The following LY6S variants were observed in gnomAD, a reference collection of about 807,000 sequenced individuals.
LY6S encodes the protein lymphocyte antigen 6S.
chr8:143,052,548 CT>C, the LY6S span, among the ~76,000 whole-genome samples: 9 of 152,156 alleles, frequency 5.9e-5, no homozygotes, highest in African/African-American at 1.9e-4. Flanking sequence ...CTTTAAATAC[CT>C]TTTGGTTTTG....
the LY6S span, among the ~76,000 whole-genome samples, chr8:143,046,305 C>T: frequency 2.9e-3 from 436 of 151,984 alleles, 5 homozygotes; most frequent in Middle Eastern, 6.8e-3. Flanking sequence ...AGGCCAGGCA[C>T]GGTGGCTCAC....
the LY6S span, among the ~76,000 whole-genome samples, chr8:143,063,484 G>T: frequency 6.6e-6 from 1 of 152,318 alleles, no homozygotes; most frequent in Admixed American, 6.5e-5. Flanking sequence ...CCTGTGCAGA[G>T]GTTCCTATTG....
At chr8:143,071,991 C>A in the LY6S span, among the ~76,000 whole-genome samples, 1 of 152,218 alleles carries the variant, frequency 6.6e-6, no homozygotes, top group African/African-American at 2.4e-5. Context: ...TTCACATTTA[C>A]CCTCTGAAAA....
the LY6S span, chr8:143,049,405 T>A: frequency 4.9e-6 from 2 of 408,746 alleles, no homozygotes; most frequent in Non-Finnish European, 1.0e-5. Flanking sequence ...TTCATCGCCA[T>A]CCCGCAGCTC....
At chr8:143,050,338 G>A in the LY6S span, among the ~76,000 whole-genome samples, 6 of 152,036 alleles carry the variant, frequency 3.9e-5, no homozygotes, top group South Asian at 2.1e-4. Flanking sequence ...GCACCATCAC[G>A]TCTGGCTAAT....
the LY6S span, among the ~76,000 whole-genome samples, chr8:143,058,851 G>A: frequency 1.8e-4 from 27 of 150,498 alleles, no homozygotes; most frequent in African/African-American, 4.6e-4. Context: ...GGCCCTGTCC[G>A]GGCATAACAG....
At chr8:143,068,503 C>A in the LY6S span, among the ~76,000 whole-genome samples, 13 of 152,132 alleles carry the variant, frequency 8.5e-5, no homozygotes, top group Admixed American at 8.5e-4. Flanking sequence ...CTTCCTGAGG[C>A]CTCCCGAGAA....
chr8:143,046,373 C>T, the LY6S span, among the ~76,000 whole-genome samples: 1 of 151,602 alleles, frequency 6.6e-6, no homozygotes, highest in South Asian at 2.1e-4. Context: ...GTCAGGAGAT[C>T]GAGACCATCC....
the LY6S span, among the ~76,000 whole-genome samples, chr8:143,076,464 G>A: frequency 6.6e-6 from 1 of 152,216 alleles, no homozygotes; most frequent in South Asian, 2.1e-4. Flanking sequence ...AGCTGTGCAT[G>A]GAGCCCCCAA....
chr8:143,073,382 A>G, the LY6S span, among the ~76,000 whole-genome samples: 181 of 48,456 alleles, frequency 3.7e-3, 3 homozygotes, highest in Middle Eastern at 0.019. Flanking sequence ...CCTGTTTGAG[A>G]AGACAGCCAT....
chr8:143,051,979 AAAAAG>A, the LY6S span, among the ~76,000 whole-genome samples: 1 of 148,214 alleles, frequency 6.7e-6, no homozygotes, highest in Non-Finnish European at 1.5e-5. Context: ...CTCAAAAAAA[AAAAAG>A]AAAAGAAAAG....
the LY6S span, chr8:143,057,831 G>T: frequency 1.3e-6 from 1 of 750,162 alleles, no homozygotes; most frequent in South Asian, 1.4e-5. Flanking sequence ...GAGACTTTTC[G>T]GCTCCTGCAG....
chr8:143,072,642 C>A, the LY6S span, among the ~76,000 whole-genome samples: 38 of 135,544 alleles, frequency 2.8e-4, no homozygotes, highest in African/African-American at 8.5e-4. Flanking sequence ...AGGAGACAGC[C>A]GTCGTCCTCG....
the LY6S span, among the ~76,000 whole-genome samples, chr8:143,073,277 G>A: frequency 3.5e-4 from 51 of 144,594 alleles, 2 homozygotes; most frequent in South Asian, 9.7e-3. Flanking sequence ...GTCCCTGTTC[G>A]AGGAGACAGC....
chr8:143,047,609 C>G, the LY6S span: 1 of 152,436 alleles, frequency 6.6e-6, no homozygotes, highest in South Asian at 2.1e-4. Flanking sequence ...AGAAATCCCC[C>G]CTCCCAACTA....
the LY6S span, among the ~76,000 whole-genome samples, chr8:143,040,916 G>A: frequency 6.6e-6 from 1 of 152,122 alleles, no homozygotes; most frequent in Non-Finnish European, 1.5e-5. Context: ...CGTAAAACCA[G>A]CAAATTTTTA....
chr8:143,045,113 C>T, the LY6S span, among the ~76,000 whole-genome samples: 1 of 152,174 alleles, frequency 6.6e-6, no homozygotes, highest in Admixed American at 6.5e-5. This position sits in a 1 kb window ranked among gnomAD's most constrained non-coding sequence, Gnocchi z 5.3. Flanking sequence ...GTAACAAGCA[C>T]AGAGCAGGCA....
the LY6S span, among the ~76,000 whole-genome samples, chr8:143,070,322 C>T: frequency 6.9e-6 from 1 of 145,758 alleles, no homozygotes; most frequent in Non-Finnish European, 1.5e-5. Flanking sequence ...TTGAGGGGGG[C>T]ACAGTTCAGC....
the LY6S span, among the ~76,000 whole-genome samples, chr8:143,075,432 G>A: frequency 6.6e-6 from 1 of 152,148 alleles, no homozygotes; most frequent in African/African-American, 2.4e-5. The surrounding 1 kb of genome is among the most constrained non-coding windows in gnomAD (Gnocchi z 4.1). Flanking sequence ...GGCCAGGCAC[G>A]GTGGCTCACG....
Sources: gnomAD v4.1 joint callset for allele counts (sites outside exome capture counted in the v4.1 genomes callset) on GRCh38, gnomAD v4.1.1 for gene constraint, Gnocchi (gnomAD v3.1) non-coding constraint, MANE v1.5 for transcripts, NCBI Gene and HGNC (gene_info 2026-07-23, HGNC 2026-07-21) for gene names.